Variants in ESRRB observed in about 807,000 individuals in gnomAD.
ESRRB encodes steroid hormone receptor ERR2.
In ESRRB, 16 loss-of-function variants were observed where a neutral mutation model predicts 46.0. The observed-to-expected ratio is 0.35, with a 90% CI of 0.24 to 0.53. The LOEUF is 0.53. Among genes scored for constraint, ESRRB ranks in the 20% least tolerant of loss-of-function variants. The probability of loss-of-function intolerance (pLI) is 0.93; values close to 1 mark genes in which losing one functional copy is unlikely to be tolerated. For missense variants in ESRRB, 488 were observed against 607.4 expected (o/e 0.80, Z 2.07); for synonymous variants, 246 against 259.6 (o/e 0.95, Z 0.50).
At chr14:76,419,046 A>G (rs1438406601) in intron 1 of ESRRB, among the ~76,000 whole-genome samples, 1 of 144,094 alleles carries the variant, frequency 6.9e-6, no homozygotes, top group Non-Finnish European at 1.5e-5. Context: ...ACGAGGTTTC[A>G]CTCTGTCACC....
intron 1 of ESRRB, among the ~76,000 whole-genome samples, chr14:76,391,642 G>A (rs1164794843): frequency 6.6e-6 from 1 of 152,208 alleles, no homozygotes; most frequent in Non-Finnish European, 1.5e-5. Context: ...AGCTCCTCAA[G>A]GGCCCATCTG....
At chr14:76,315,452 T>G (rs1379167152) in intron 1 of ESRRB, among the ~76,000 whole-genome samples, 1 of 152,040 alleles carries the variant, frequency 6.6e-6, no homozygotes, top group Non-Finnish European at 1.5e-5. Context: ...ACAGCCAGGG[T>G]TCAAATCCTG....
chr14:76,347,431 GT>G (rs1331432817), intron 1 of ESRRB, among the ~76,000 whole-genome samples: 1 of 61,230 alleles, frequency 1.6e-5, no homozygotes, highest in Non-Finnish European at 3.9e-5. Context: ...GTGTGTGTGT[GT>G]GTCACACACA....
intron 1 of ESRRB, among the ~76,000 whole-genome samples, chr14:76,384,784 T>A (rs548548629): frequency 6.6e-6 from 1 of 152,298 alleles, no homozygotes; most frequent in Non-Finnish European, 1.5e-5. Context: ...CATGTGAATA[T>A]CTGGGAGAAG....
intron 1 of ESRRB, among the ~76,000 whole-genome samples, chr14:76,335,235 C>T (rs1884112469): frequency 6.6e-6 from 1 of 152,188 alleles, no homozygotes; most frequent in Non-Finnish European, 1.5e-5. Flanking sequence ...GCCAACATTA[C>T]TCATTGTCTG....
intron 1 of ESRRB, among the ~76,000 whole-genome samples, chr14:76,361,626 C>G (rs1884465342): frequency 6.6e-6 from 1 of 152,168 alleles, no homozygotes; most frequent in Admixed American, 6.6e-5. Flanking sequence ...CTTTTTACAC[C>G]TGTTGAAGGA....
chr14:76,330,657 T>C (rs563706372), intron 1 of ESRRB, among the ~76,000 whole-genome samples: 1 of 152,052 alleles, frequency 6.6e-6, no homozygotes, highest in East Asian at 1.9e-4. Context: ...GCCAGGGGGC[T>C]TCGGGAAGCT....
intron 1 of ESRRB, among the ~76,000 whole-genome samples, chr14:76,413,366 C>T (rs1886522740): frequency 6.6e-6 from 1 of 152,230 alleles, no homozygotes; most frequent in Non-Finnish European, 1.5e-5. Context: ...GGACTTCCCA[C>T]ACCAACTCCA....
chr14:76,490,065 C>G (rs143164420), intron 5 of ESRRB, among the ~76,000 whole-genome samples: 1 of 152,320 alleles, frequency 6.6e-6, no homozygotes, highest in Non-Finnish European at 1.5e-5. Context: ...AGGATGGGGT[C>G]TAAGTCAGCA....
chr14:76,363,467 G>T (rs1206978780), intron 1 of ESRRB, among the ~76,000 whole-genome samples: 4 of 152,150 alleles, frequency 2.6e-5, no homozygotes, highest in African/African-American at 4.8e-5. Flanking sequence ...TCTTCTCCAT[G>T]TCATAGAAAG....
intron 1 of ESRRB, among the ~76,000 whole-genome samples, chr14:76,354,720 T>C (rs1400677177): frequency 1.4e-5 from 2 of 139,138 alleles, no homozygotes; most frequent in Admixed American, 7.0e-5. Flanking sequence ...TTTTTTTTTT[T>C]TTTCTTTGAA....
At chr14:76,397,376 CT>C (rs1885735176) in intron 1 of ESRRB, among the ~76,000 whole-genome samples, 1 of 152,142 alleles carries the variant, frequency 6.6e-6, no homozygotes, top group Non-Finnish European at 1.5e-5. Flanking sequence ...GCAGAACCTC[CT>C]GGAGTGACCG....
Position 76,430,630 on chromosome 14 carries a change from C to G in ESRRB, c.51-8711C>G, listed in dbSNP as rs536519350. Among the ~76,000 whole-genome samples the G allele has an allele frequency of 2.6e-5, 4 of 152,336 alleles. No individual in the cohort carries two copies. In the South Asian group the frequency reaches 8.3e-4, roughly 32 times the overall value. On this transcript the variant is annotated intron_variant, in intron 1 of 6. Coordinates refer to ENST00000644823, the MANE Select transcript of ESRRB (RefSeq NM_001379180.1). ...TGTGCCTTCATTGGCTCTTGCTCAA[C>G]TCTGTGAAGGAGGTGCTGTGATTGA...
intron 5 of ESRRB, among the ~76,000 whole-genome samples, chr14:76,483,989 G>A (rs138157826): frequency 5.4e-4 from 82 of 152,304 alleles, no homozygotes; most frequent in African/African-American, 1.9e-3. Context: ...CAGTAGCTGG[G>A]ATTACAGGTG....
At chr14:76,402,384 C>T (rs892087764) in intron 1 of ESRRB, among the ~76,000 whole-genome samples, 1 of 152,154 alleles carries the variant, frequency 6.6e-6, no homozygotes, top group Non-Finnish European at 1.5e-5. Flanking sequence ...AGAATGCAGT[C>T]AAGAAACCTA....
Position 76,490,137 on chromosome 14 carries a change from T to C in ESRRB, c.851-1310T>C, listed in dbSNP as rs148251312. ...CTGAAAAAAATCCCTTCATGTCAGT[T>C]ACCCATAGTGCATGGTGCAAACAAC... On this transcript the variant is annotated intron_variant, in intron 5 of 6. Transcript: ENST00000644823. Among the ~76,000 whole-genome samples, 297 of 152,354 alleles carry C rather than the reference T, an allele frequency of 1.9e-3. 1 individual carries two copies. Among genetic ancestry groups the C allele is most frequent in the African/African-American group, 6.9e-3 (285 of 41,582 alleles).
chr14:76,486,326 T>C (rs1359128808), intron 5 of ESRRB, among the ~76,000 whole-genome samples: 1 of 152,174 alleles, frequency 6.6e-6, no homozygotes, highest in African/African-American at 2.4e-5. Flanking sequence ...GGCTCCCATG[T>C]GCAGGGCATC....
intron 1 of ESRRB, among the ~76,000 whole-genome samples, chr14:76,332,306 C>T (rs1884022852): frequency 6.7e-6 from 1 of 148,768 alleles, no homozygotes; most frequent in Non-Finnish European, 1.5e-5. Context: ...TTTCTAGTAG[C>T]CACACTTTTA....
At chr14:76,360,779 T>C (rs1296362047) in intron 1 of ESRRB, among the ~76,000 whole-genome samples, 2 of 152,132 alleles carry the variant, frequency 1.3e-5, no homozygotes, top group Non-Finnish European at 2.9e-5. Flanking sequence ...GACTTAACAG[T>C]TGATAGATAA....
Sources: gnomAD v4.1 joint callset for allele counts (sites outside exome capture counted in the v4.1 genomes callset) on GRCh38, gnomAD v4.1.1 for gene constraint, MANE v1.5 for transcripts, NCBI Gene and HGNC (gene_info 2026-07-23, HGNC 2026-07-21) for gene names.